Variants in NPRL3 observed in about 807,000 individuals in gnomAD.
NPRL3 encodes the protein GATOR1 complex protein NPRL3.
A neutral mutation model predicts 57.2 loss-of-function variants in NPRL3; 23 were observed. The ratio of observed to expected loss-of-function variants is 0.40; its 90% CI spans 0.29 to 0.57. NPRL3 has a LOEUF of 0.57. NPRL3 is among the 20% of genes least tolerant of loss of function. NPRL3 has a pLI of 0.42. For synonymous variants in NPRL3, 333 were observed against 321.1 expected (o/e 1.04, Z -0.39); for missense variants, 691 against 767.1 (o/e 0.90, Z 1.17).
At chr16:101,378 T>C (rs1899294350) in intron 7 of NPRL3, among the ~76,000 whole-genome samples, 1 of 152,220 alleles carries the variant, frequency 6.6e-6, no homozygotes, top group Non-Finnish European at 1.5e-5. Context: ...TTGCAGTGCA[T>C]GTGGATACCA....
chr16:136,816 G>A (rs1901110884), intron 2 of NPRL3, among the ~76,000 whole-genome samples: 1 of 151,992 alleles, frequency 6.6e-6, no homozygotes, highest in Non-Finnish European at 1.5e-5. Context: ...CCAATAGTAG[G>A]AAAGAACTTT....
At chr16:126,460 T>C (rs1264758527) in intron 3 of NPRL3, 1 of 150,070 alleles carries the variant, frequency 6.7e-6, no homozygotes, top group African/African-American at 2.4e-5. Context: ...ATAATAATAA[T>C]AATAATATGA....
chr16:108,663 G>T (rs216090), intron 7 of NPRL3, among the ~76,000 whole-genome samples: 16,275 of 91,156 alleles, frequency 0.18, 2,006 homozygotes, highest in African/African-American at 0.42. Context: ...TTTTACTTTT[G>T]TTTTTTAATT....
chr16:108,796 G>A (rs1413090217), intron 7 of NPRL3, among the ~76,000 whole-genome samples: 1 of 151,798 alleles, frequency 6.6e-6, no homozygotes, highest in African/African-American at 2.4e-5. Context: ...TCAGCCTCCT[G>A]AGTAGCTGGG....
intron 3 of NPRL3, among the ~76,000 whole-genome samples, chr16:129,422 C>T (rs1395992210): frequency 1.3e-5 from 2 of 152,154 alleles, no homozygotes; most frequent in Non-Finnish European, 2.9e-5. Flanking sequence ...GTCCAGCAAG[C>T]CCCATCGCCC....
chr16:112,744 AGAC>A lies in NPRL3; in HGVS notation c.422_424del (p.Cys141del). The stretch of plus-strand genomic sequence containing the variant: ...GGCGATACGACGGGACAGGTTATGC[AGAC>A]AGTTTATCACTGACGGGTCTGCGTT... On this transcript the variant is annotated inframe_deletion, in exon 6 of 14. Coordinates refer to ENST00000611875, the MANE Select transcript of NPRL3 (RefSeq NM_001077350.3). 1.2e-6 allele frequency: 2 copies of A among 1,611,132 alleles called. No individual in the cohort carries two copies. The highest frequency in any genetic ancestry group is 1.7e-6 in the Non-Finnish European group (2 of 1,177,956).
chr16:117,258 C>T (rs1900084104), intron 5 of NPRL3, 43 bp downstream of exon 5: 1 of 1,381,528 alleles, frequency 7.2e-7, no homozygotes, highest in African/African-American at 1.4e-5. Context: ...TGCTTCTCCA[C>T]TGGCCCCACT....
At chr16:126,039 T>C (rs1900500154) in intron 3 of NPRL3, 1 of 152,138 alleles carries the variant, frequency 6.6e-6, no homozygotes, top group African/African-American at 2.4e-5. Flanking sequence ...CTGAGGACAG[T>C]AGCAGTGCCA....
At chr16:110,405 G>T in intron 7 of NPRL3, 120 bp downstream of exon 7, 1 of 695,902 alleles carries the variant, frequency 1.4e-6, no homozygotes, top group Non-Finnish European at 2.5e-6. Context: ...GAACCCTGAT[G>T]CTCACACCCC....
At chr16:134,688 A>ATT (rs754866010) in intron 2 of NPRL3, among the ~76,000 whole-genome samples, 1,635 of 101,836 alleles carry the variant, frequency 0.016, 37 homozygotes, top group African/African-American at 0.057. Flanking sequence ...CACAGTAATT[A>ATT]TTATTATTTT....
intron 8 of NPRL3, among the ~76,000 whole-genome samples, chr16:99,966 AAAAAAAAAAAAGAAAAAG>A (rs1416043545): frequency 0.033 from 4,644 of 142,110 alleles, 140 homozygotes; most frequent in African/African-American, 0.13. Flanking sequence ...CCGCAAAAAA[AAAAAAAAAAAAGAAAAAG>A]AAAAAAAAAA....
In NPRL3 at chr16:110,587, G is replaced by A; in HGVS notation, c.567C>T (p.Ser189=). ...AMADGNEGPQ[S]PFHHILPKCK... ...ACTTGGGCAGGATGTGATGGAATGG[G>A]GACTGAGGACCTTCATTTCCTACAA... The change falls in exon 7 of 14, where the codon TCC becomes TCT. Residue 189 remains serine (S), a synonymous_variant. Coordinates refer to ENST00000611875, the MANE Select transcript of NPRL3 (RefSeq NM_001077350.3). The A allele has an allele frequency of 6.2e-7, 1 of 1,610,674 alleles. No homozygotes were observed.
At chr16:95,323 GTGTATATATATATATATA>G (rs1898942765) in intron 9 of NPRL3, among the ~76,000 whole-genome samples, 1 of 32,890 alleles carries the variant, frequency 3.0e-5, no homozygotes, top group African/African-American at 5.8e-5. Context: ...ATGTTTGTGT[GTGTATATATATATATATA>G]TATATATATA....
At chr16:106,591 G>A (rs1029607282) in intron 7 of NPRL3, among the ~76,000 whole-genome samples, 9 of 132,178 alleles carry the variant, frequency 6.8e-5, no homozygotes, top group East Asian at 4.5e-4. Context: ...CCAAGATTGC[G>A]CTCCAGCCTG....
rs553738651 is a variant in NPRL3, at chr16:134,593, A to C, written c.118+3557T>G. ...GCACTTGATGCGAAAGTTTACAGGG[A>C]AAAATAATAAAGCACAGCCAGGATA... On this transcript the variant is annotated intron_variant, in intron 2 of 13. Coordinates refer to ENST00000611875, the MANE Select transcript of NPRL3 (RefSeq NM_001077350.3). Among the ~76,000 whole-genome samples, 431 of 152,294 alleles carry C rather than the reference A, an allele frequency of 2.8e-3. 3 individuals are homozygous for C. Among genetic ancestry groups the C allele is most frequent in the Non-Finnish European group, 3.5e-3 (241 of 68,034 alleles).
At chr16:125,364 C>A (rs1900471387) in intron 3 of NPRL3, among the ~76,000 whole-genome samples, 1 of 152,182 alleles carries the variant, frequency 6.6e-6, no homozygotes, top group Admixed American at 6.5e-5. Flanking sequence ...CTGCCTCCTA[C>A]AACTAGACAA....
At chr16:123,018 T>C (rs1033353440) in intron 3 of NPRL3, among the ~76,000 whole-genome samples, 6 of 152,218 alleles carry the variant, frequency 3.9e-5, no homozygotes, top group Admixed American at 2.0e-4. Context: ...CTGCCTCTAT[T>C]AAGCACACTC....
intron 5 of NPRL3, among the ~76,000 whole-genome samples, chr16:113,508 C>G (rs1899905769): frequency 6.6e-6 from 1 of 152,188 alleles, no homozygotes; most frequent in South Asian, 2.1e-4. Flanking sequence ...CCCTCTGGAA[C>G]CTATCAGGGA....
At chr16:107,516 C>T (rs1899587167) in intron 7 of NPRL3, among the ~76,000 whole-genome samples, 1 of 149,388 alleles carries the variant, frequency 6.7e-6, no homozygotes, top group African/African-American at 2.5e-5. Flanking sequence ...TGGTGATGTG[C>T]ACCTGTAGTC....
Sources: allele counts gnomAD v4.1 joint callset (sites outside exome capture counted in the v4.1 genomes callset), GRCh38; gene constraint gnomAD v4.1.1; transcripts MANE v1.5; gene names NCBI Gene and HGNC (gene_info 2026-07-23, HGNC 2026-07-21).